The following HIPK2 variants were observed in gnomAD, a reference collection of about 807,000 sequenced individuals.
The protein encoded by HIPK2 is homeodomain interacting protein kinase 2.
In HIPK2, 27 loss-of-function variants were observed where a neutral mutation model predicts 113.7. The ratio of observed to expected loss-of-function variants is 0.24; its 90% CI spans 0.17 to 0.33. The LOEUF (loss-of-function observed/expected upper bound fraction) is 0.33, where lower values mean the gene tolerates loss of function less well. Among genes scored for constraint, HIPK2 ranks in the 10% least tolerant of loss-of-function variants. HIPK2 has a pLI of 1.00. For missense variants in HIPK2, 1,257 were observed against 1,588.0 expected, an observed-to-expected ratio of 0.79 and a Z score of 3.54; for synonymous variants, 631 against 642.2, an observed-to-expected ratio of 0.98 and a Z score of 0.26.
chr7:139,695,158 A>C (rs886516688), intron 2 of HIPK2, among the ~76,000 whole-genome samples: 52,704 of 152,110 alleles, frequency 0.35, 10,711 homozygotes, highest in Non-Finnish European at 0.45. Flanking sequence ...TGAAAAAGTA[A>C]TAAAAGTGAA....
At chr7:139,713,949 C>T (rs918534823) in intron 2 of HIPK2, among the ~76,000 whole-genome samples, 4 of 152,202 alleles carry the variant, frequency 2.6e-5, no homozygotes, top group African/African-American at 4.8e-5. Context: ...CAACCATTGC[C>T]CATCCTTCTC....
At chr7:139,768,515 C>T (rs1046018275) in intron 1 of HIPK2, among the ~76,000 whole-genome samples, 1 of 152,148 alleles carries the variant, frequency 6.6e-6, no homozygotes, top group African/African-American at 2.4e-5. Flanking sequence ...CATGATCGTA[C>T]TGACTTCTCT....
At chr7:139,589,056 G>A (rs994726355) in intron 12 of HIPK2, among the ~76,000 whole-genome samples, 10 of 152,188 alleles carry the variant, frequency 6.6e-5, no homozygotes, top group African/African-American at 2.4e-4. Flanking sequence ...CCCCAGGTGA[G>A]GATGGAGGCT....
intron 2 of HIPK2, among the ~76,000 whole-genome samples, chr7:139,672,191 T>C (rs1802327192): frequency 6.6e-6 from 1 of 152,210 alleles, no homozygotes; most frequent in Non-Finnish European, 1.5e-5. Flanking sequence ...TACAGATGAC[T>C]CCCTGCCCTC....
intron 1 of HIPK2, among the ~76,000 whole-genome samples, chr7:139,748,843 C>G (rs1275177310): frequency 6.6e-6 from 1 of 152,286 alleles, no homozygotes. Context: ...CTCCTCCTGG[C>G]CCACCATCTG....
intron 13 of HIPK2, among the ~76,000 whole-genome samples, chr7:139,581,637 T>TG (rs1338650724): frequency 6.6e-6 from 1 of 152,118 alleles, no homozygotes; most frequent in Non-Finnish European, 1.5e-5. Context: ...GTGCTGTAGC[T>TG]GGGGGAGCTG....
chr7:139,581,076 C>T (rs1210514903), intron 13 of HIPK2, among the ~76,000 whole-genome samples: 7 of 152,088 alleles, frequency 4.6e-5, no homozygotes, highest in Admixed American at 6.6e-5. Flanking sequence ...AAAAGTTAGC[C>T]GGGCGTGGTG....
At chr7:139,637,348 C>T (rs148494836) in intron 2 of HIPK2, among the ~76,000 whole-genome samples, 2,427 of 152,326 alleles carry the variant, frequency 0.016, 64 homozygotes, top group African/African-American at 0.054. Flanking sequence ...GGGACCCTGC[C>T]CACCTCTCCA....
intron 12 of HIPK2, among the ~76,000 whole-genome samples, chr7:139,595,939 G>A (rs1799198817): frequency 6.6e-6 from 1 of 152,160 alleles, no homozygotes; most frequent in Admixed American, 6.5e-5. Context: ...CCTGGCTCTC[G>A]GTTCCAGTGC....
chr7:139,733,825 G>A (rs1464431848), intron 1 of HIPK2, among the ~76,000 whole-genome samples: 1 of 152,136 alleles, frequency 6.6e-6, no homozygotes, highest in Non-Finnish European at 1.5e-5. Context: ...GCATTCTCAG[G>A]CAAAAGCCTT....
At position 139,749,786 on chromosome 7, in the gene HIPK2, C is replaced by A. The variant is rs73158624; in HGVS notation, c.19+27819G>T. 5.4e-4 allele frequency among the ~76,000 whole-genome samples: 83 copies of A among 152,328 alleles called. 1 individual carries two copies. Among genetic ancestry groups the A allele is most frequent in the Admixed American group, 1.3e-3 (20 of 15,304 alleles). Reference sequence around the variant, plus strand: ...TATAAATGCTTGTTCCCTGCACCCTCCTCTGGTATCCGCCACGCCGCACAA... The same window carrying A: ...TATAAATGCTTGTTCCCTGCACCCTACTCTGGTATCCGCCACGCCGCACAA... On this transcript the variant is annotated intron_variant, in intron 1 of 14. Transcript: ENST00000406875.
At chr7:139,610,899 C>A (rs1799792557) in intron 9 of HIPK2, among the ~76,000 whole-genome samples, 1 of 152,216 alleles carries the variant, frequency 6.6e-6, no homozygotes, top group Non-Finnish European at 1.5e-5. Flanking sequence ...TACCACATGG[C>A]AGGATCCAGG....
intron 1 of HIPK2, among the ~76,000 whole-genome samples, chr7:139,753,152 C>T (rs543801855): frequency 2.0e-5 from 3 of 152,292 alleles, no homozygotes; most frequent in African/African-American, 7.2e-5. Context: ...CAGTGGGCCC[C>T]CCAGTGCTGC....
intron 1 of HIPK2, among the ~76,000 whole-genome samples, chr7:139,750,291 G>C (rs1796258776): frequency 6.6e-6 from 1 of 152,188 alleles, no homozygotes; most frequent in Admixed American, 6.5e-5. Flanking sequence ...TCTCCTCTGT[G>C]AGCATTTTAA....
intron 1 of HIPK2, among the ~76,000 whole-genome samples, chr7:139,764,951 C>A (rs1318092773): frequency 6.6e-6 from 1 of 152,122 alleles, no homozygotes; most frequent in Non-Finnish European, 1.5e-5. Flanking sequence ...GCCTGGCCAA[C>A]ATGGTGAAAG....
chr7:139,566,712 T>C lies in HIPK2; in HGVS notation c.*6215A>G, dbSNP rs1798101410. On this transcript the variant is annotated 3_prime_UTR_variant, in exon 15 of 15. Transcript: ENST00000406875. This position sits in a 1 kb window ranked among gnomAD's most constrained non-coding sequence, Gnocchi z 4.1. Reference sequence around the variant, plus strand: ...TTGGGGCCCCTTGAGACAACGCTCATAAAGGCCTTAGCCCGGGAGTCATGA... The same window carrying C: ...TTGGGGCCCCTTGAGACAACGCTCACAAAGGCCTTAGCCCGGGAGTCATGA... 1 of 152,184 alleles carries C rather than the reference T, an allele frequency of 6.6e-6. No homozygotes were observed. Among genetic ancestry groups the C allele is most frequent in the Non-Finnish European group, 1.5e-5 (1 of 68,040 alleles). The allele number at this position is 152,184 out of a possible 1,614,324, so 9.4% of individuals were successfully genotyped here.
Position 139,620,439 on chromosome 7 carries a change from T to C in HIPK2, c.1744A>G (p.Met582Val), listed in dbSNP as rs759292885. The C allele has an allele frequency of 3.1e-6, 5 of 1,613,980 alleles. No individual in the cohort carries two copies. Among genetic ancestry groups the C allele is most frequent in the Non-Finnish European group, 2.5e-6 (3 of 1,179,896 alleles). ...VAPSTSTNLT[M>V]TFNNQLTTVH... ...GTGGTCAGCTGGTTGTTAAAGGTCA[T>C]GGTCAGGTTGGTGGACGTGCTGGGG... The change falls in exon 7 of 15, where the codon ATG becomes GTG. Residue 582 changes from methionine to valine, a missense_variant. Around this residue, in one of 5 missense-constraint regions of HIPK2, gnomAD observed 862 missense variants for 1,004.3 expected, o/e 0.86. Coordinates refer to ENST00000406875, the MANE Select transcript of HIPK2 (RefSeq NM_022740.5).
At chr7:139,698,426 C>T (rs943180041) in intron 2 of HIPK2, among the ~76,000 whole-genome samples, 2 of 152,222 alleles carry the variant, frequency 1.3e-5, no homozygotes, top group South Asian at 2.1e-4. Context: ...CATGCATGTA[C>T]AAGTATTTGT....
At position 139,569,603 on chromosome 7, in the gene HIPK2, T is replaced by C. The variant is rs1305886467; in HGVS notation, c.*3324A>G. On this transcript the variant is annotated 3_prime_UTR_variant, in exon 15 of 15. Transcript: ENST00000406875. ...TCTGGGATCTAGAAAATGACAACCTTGATGGTGACCATGTTGTCAGAAGCC... is the reference window on the plus strand; with the variant it reads ...TCTGGGATCTAGAAAATGACAACCTCGATGGTGACCATGTTGTCAGAAGCC... The C allele has an allele frequency of 3.3e-5, 5 of 152,176 alleles. No individual in the cohort carries two copies. Among genetic ancestry groups the C allele is most frequent in the African/African-American group, 4.8e-5 (2 of 41,450 alleles). The allele number at this position is 152,176 out of a possible 1,614,324, so 9.4% of individuals were successfully genotyped here. A position where few individuals can be genotyped will look rare whatever the true frequency, so the allele number is the denominator to read the frequency against.
Sources: allele counts gnomAD v4.1 joint callset (sites outside exome capture counted in the v4.1 genomes callset), GRCh38; gene constraint gnomAD v4.1.1; regional missense constraint gnomAD v4.1.1; non-coding constraint Gnocchi (gnomAD v3.1); transcripts MANE v1.5; gene names NCBI Gene and HGNC (gene_info 2026-07-23, HGNC 2026-07-21).